LIPA: variants seen among roughly 807,000 people sequenced by gnomAD.
LIPA encodes the protein lysosomal acid lipase/cholesteryl ester hydrolase.
In LIPA, 26 loss-of-function variants were observed where a neutral mutation model predicts 40.6. That is an observed-to-expected ratio of 0.64 (90% confidence interval 0.47 to 0.89). LIPA has a LOEUF of 0.89. LIPA is among the 40% of genes least tolerant of loss of function. The probability of loss-of-function intolerance (pLI) is 0.00; values close to 1 mark genes in which losing one functional copy is unlikely to be tolerated. For missense variants in LIPA, 455 were observed against 479.6 expected (o/e 0.95, Z 0.48); for synonymous variants, 188 against 168.4 (o/e 1.12, Z -0.90).
intron 1 of LIPA, chr10:89,340,077 A>G (rs968096213): frequency 1.2e-5 from 20 of 1,612,586 alleles, no homozygotes; most frequent in Non-Finnish European, 1.6e-5. Flanking sequence ...GCCAGGGCGC[A>G]GTCAGCTCCA....
intron 1 of LIPA, among the ~76,000 whole-genome samples, chr10:89,312,670 G>A (rs906609171): frequency 2.0e-5 from 3 of 151,404 alleles, no homozygotes; most frequent in Non-Finnish European, 2.9e-5. Flanking sequence ...TTAGACAGGC[G>A]TGGTGGCGGG....
At chr10:89,390,306 T>C (rs894284248) in intron 2 of LIPA, among the ~76,000 whole-genome samples, 1 of 152,200 alleles carries the variant, frequency 6.6e-6, no homozygotes, top group African/African-American at 2.4e-5. Flanking sequence ...TTTTTAATAC[T>C]GAGCCAGAGG....
chr10:89,292,256 G>C (rs901306364), intron 1 of LIPA: 1 of 152,102 alleles, frequency 6.6e-6, no homozygotes, highest in Non-Finnish European at 1.5e-5. Flanking sequence ...AAATATTTTG[G>C]TTCTGGGATA....
intron 1 of LIPA, among the ~76,000 whole-genome samples, chr10:89,328,343 C>A (rs1247702384): frequency 1.3e-5 from 2 of 152,088 alleles, no homozygotes; most frequent in African/African-American, 4.8e-5. Context: ...GCTCATGTTT[C>A]CTCCCTGTGT....
intron 2 of LIPA, chr10:89,392,685 C>A (rs1844274525): frequency 6.2e-7 from 1 of 1,613,736 alleles, no homozygotes; most frequent in South Asian, 1.1e-5. Context: ...CAAAACCCTG[C>A]AGAACGGCTG....
Position 89,229,389 on chromosome 10 carries a change from T to C in LIPA, c.230-991A>G, listed in dbSNP as rs373154796. 1.3e-4 allele frequency among the ~76,000 whole-genome samples: 20 copies of C among 152,324 alleles called. No homozygotes were observed. The East Asian group carries it at 3.9e-3, about 29-fold the overall frequency. ...TTCAGGGCAGTAAGACTACTCTGCA[T>C]GATACTATAGAGGTAGACACATGCC... is the stretch of plus-strand genomic sequence containing the variant. On this transcript the variant is annotated intron_variant, in intron 3 of 9. Transcript: ENST00000336233.
At chr10:89,244,740 A>C (rs573494090) in intron 3 of LIPA, among the ~76,000 whole-genome samples, 1 of 152,164 alleles carries the variant, frequency 6.6e-6, no homozygotes, top group African/African-American at 2.4e-5. Context: ...AAAATGAGAG[A>C]GAGAAAAAAG....
At chr10:89,382,070 G>A (rs1055541892) in intron 2 of LIPA, among the ~76,000 whole-genome samples, 5 of 152,036 alleles carry the variant, frequency 3.3e-5, no homozygotes, top group Admixed American at 1.3e-4. Flanking sequence ...ACACCTGGCC[G>A]TGAACTTTTT....
At position 89,338,964 on chromosome 10, in the gene LIPA, C is replaced by T. The variant is rs61737943; in HGVS notation, c.-2+3647G>A. On this transcript the variant is annotated intron_variant, in intron 1 of 5. Coordinates refer to the LIPA transcript ENST00000282673. ...TCACTTGGGGAAACTACGCCTGGGT[C>T]TACTATCACTTGGGCAGACTCTCAG... The T allele has an allele frequency of 3.9e-5, 63 of 1,614,006 alleles. No individual in the cohort carries two copies. The African/African-American group carries it at 5.1e-4, about 13-fold the overall frequency.
At chr10:89,311,946 C>T (rs1357373091) in intron 1 of LIPA, among the ~76,000 whole-genome samples, 3 of 152,164 alleles carry the variant, frequency 2.0e-5, no homozygotes, top group African/African-American at 7.2e-5. Flanking sequence ...CGGAAATCCT[C>T]TCCACACCCA....
intron 2 of LIPA, among the ~76,000 whole-genome samples, chr10:89,246,179 G>A (rs765147580): frequency 1.3e-5 from 2 of 152,074 alleles, no homozygotes; most frequent in Admixed American, 6.6e-5. Context: ...TCTTTGTTTT[G>A]AGAGATCCCC....
At chr10:89,328,221 G>T in intron 1 of LIPA, 1 of 876,212 alleles carries the variant, frequency 1.1e-6, no homozygotes. Flanking sequence ...TTTGTAAGAT[G>T]TTTGAGGGGT....
At chr10:89,412,165 AG>A (rs1485736431) in intron 2 of LIPA, among the ~76,000 whole-genome samples, 1 of 152,110 alleles carries the variant, frequency 6.6e-6, no homozygotes, top group Non-Finnish European at 1.5e-5. Context: ...AGCAGTCATC[AG>A]CCAAATTCCC....
At chr10:89,380,418 T>C (rs1409715550) in intron 2 of LIPA, among the ~76,000 whole-genome samples, 1 of 151,042 alleles carries the variant, frequency 6.6e-6, no homozygotes, top group Non-Finnish European at 1.5e-5. Flanking sequence ...GGTCACTACA[T>C]ACATGCACAA....
At chr10:89,364,219 C>T (rs906424658) in intron 2 of LIPA, among the ~76,000 whole-genome samples, 5 of 152,214 alleles carry the variant, frequency 3.3e-5, no homozygotes, top group African/African-American at 9.6e-5. Context: ...TCTCCTTTAT[C>T]ACTGCACCCC....
intron 1 of LIPA, among the ~76,000 whole-genome samples, chr10:89,311,193 G>A (rs1888923): frequency 2.6e-5 from 4 of 151,886 alleles, no homozygotes; most frequent in Non-Finnish European, 5.9e-5. Flanking sequence ...ATTTTTAAAT[G>A]AAACTTACTA....
At chr10:89,293,909 C>T (rs1157340139) in intron 1 of LIPA, among the ~76,000 whole-genome samples, 1 of 152,164 alleles carries the variant, frequency 6.6e-6, no homozygotes, top group Non-Finnish European at 1.5e-5. Flanking sequence ...GAGTTGGGAA[C>T]TCAATTCAGT....
chr10:89,304,777 T>G (rs1391886730), intron 1 of LIPA, among the ~76,000 whole-genome samples: 1 of 152,146 alleles, frequency 6.6e-6, no homozygotes. Context: ...TTGTTTTGTT[T>G]TGTTTTTTGG....
chr10:89,267,541 G>A (rs1315611350), intron 1 of LIPA, among the ~76,000 whole-genome samples: 1 of 130,722 alleles, frequency 7.6e-6, no homozygotes, highest in Non-Finnish European at 1.6e-5. Context: ...AGATCACATG[G>A]TCACAGGAAG....
Sources: allele counts gnomAD v4.1 joint callset (sites outside exome capture counted in the v4.1 genomes callset), GRCh38; gene constraint gnomAD v4.1.1; transcripts MANE v1.5; gene names NCBI Gene and HGNC (gene_info 2026-07-23, HGNC 2026-07-21).